ATP2B2: variants seen among roughly 807,000 people sequenced by gnomAD.
ATP2B2 encodes ATPase plasma membrane Ca2+ transporting 2, also known as plasma membrane calcium-transporting ATPase 2.
In ATP2B2, 15 loss-of-function variants were observed where a neutral mutation model predicts 120.0. The ratio of observed to expected loss-of-function variants is 0.12; its 90% confidence interval spans 0.08 to 0.19. The LOEUF (loss-of-function observed/expected upper bound fraction) is 0.19. ATP2B2 is among the 10% of genes least tolerant of loss of function. The pLI is 1.00. For synonymous variants in ATP2B2, 694 were observed against 700.3 expected, an observed-to-expected ratio of 0.99 and a Z score of 0.14; for missense variants, 1,045 against 1,719.8, an observed-to-expected ratio of 0.61 and a Z score of 6.94.
At chr3:10,616,969 T>C (rs2069406655) in intron 2 of ATP2B2, among the ~76,000 whole-genome samples, 1 of 152,258 alleles carries the variant, frequency 6.6e-6, no homozygotes, top group African/African-American at 2.4e-5. Context: ...TTTCACTTAA[T>C]ACTGAAATGT....
chr3:10,696,033 T>C (rs996114856), intron 1 of ATP2B2, among the ~76,000 whole-genome samples: 8 of 152,174 alleles, frequency 5.3e-5, no homozygotes, highest in African/African-American at 1.4e-4. Context: ...TTGAACAACT[T>C]CTGTCAAAGA....
chr3:10,388,777 C>T (rs953099370), intron 5 of ATP2B2, among the ~76,000 whole-genome samples: 9 of 152,212 alleles, frequency 5.9e-5, no homozygotes, highest in African/African-American at 1.9e-4. Flanking sequence ...CCACTACACA[C>T]ATTACAAAAA....
chr3:10,563,439 A>C (rs2067945554), intron 2 of ATP2B2, among the ~76,000 whole-genome samples: 1 of 152,256 alleles, frequency 6.6e-6, no homozygotes, highest in African/African-American at 2.4e-5. Context: ...ATGGGTAAAC[A>C]GGATGTTATG....
chr3:10,706,701 C>T (rs917941811), intron 1 of ATP2B2, among the ~76,000 whole-genome samples: 5 of 152,148 alleles, frequency 3.3e-5, no homozygotes, highest in Non-Finnish European at 7.4e-5. Flanking sequence ...TAAGCATGGG[C>T]ATAACAGTGA....
At chr3:10,452,734 T>C (rs2064107810) in intron 1 of ATP2B2, among the ~76,000 whole-genome samples, 1 of 151,962 alleles carries the variant, frequency 6.6e-6, no homozygotes, top group South Asian at 2.1e-4. Flanking sequence ...GGGGAGGTGA[T>C]TTGACTAAGA....
chr3:10,481,667 C>T lies in ATP2B2; in HGVS notation c.-320+23798G>A, dbSNP rs548968580. On this transcript the variant is annotated intron_variant, in intron 1 of 22. Coordinates refer to ENST00000360273, the MANE Select transcript of ATP2B2 (RefSeq NM_001001331.4). Reference sequence around the variant, plus strand: ...CTCCTGGGTTCAAGTGATTCTCCTGCCTCAGCCTCCTGAGTAGCTGGGATT... The same window carrying T: ...CTCCTGGGTTCAAGTGATTCTCCTGTCTCAGCCTCCTGAGTAGCTGGGATT... Among the ~76,000 whole-genome samples the T allele has an allele frequency of 1.3e-3, 199 of 152,332 alleles. No homozygotes were observed. In the Middle Eastern group the frequency reaches 0.014, roughly 10 times the overall value.
intron 1 of ATP2B2, among the ~76,000 whole-genome samples, chr3:10,696,480 T>C (rs1050276209): frequency 7.9e-5 from 12 of 152,092 alleles, no homozygotes; most frequent in Non-Finnish European, 4.4e-5. Flanking sequence ...CCTCCTTTGG[T>C]TTCAGCCTTT....
intron 1 of ATP2B2, among the ~76,000 whole-genome samples, chr3:10,690,782 G>T (rs1050622540): frequency 6.6e-6 from 1 of 152,194 alleles, no homozygotes; most frequent in African/African-American, 2.4e-5. Context: ...AATGTCAACT[G>T]CCCTGGTTAT....
intron 1 of ATP2B2, among the ~76,000 whole-genome samples, chr3:10,483,125 TC>T (rs1344997037): frequency 6.6e-6 from 1 of 152,170 alleles, no homozygotes; most frequent in Non-Finnish European, 1.5e-5. Flanking sequence ...TCCTACCTTC[TC>T]TCCCTGGTGA....
At chr3:10,533,685 C>T (rs1003649570) in intron 3 of ATP2B2, among the ~76,000 whole-genome samples, 18 of 152,202 alleles carry the variant, frequency 1.2e-4, no homozygotes, top group African/African-American at 3.9e-4. Flanking sequence ...TTCATTCAGG[C>T]ACCGGTCTAT....
intron 2 of ATP2B2, among the ~76,000 whole-genome samples, chr3:10,542,241 T>C (rs2067456128): frequency 1.3e-5 from 2 of 152,232 alleles, no homozygotes; most frequent in African/African-American, 4.8e-5. Flanking sequence ...GGGCCATTGA[T>C]ATTTAATGTA....
At chr3:10,613,738 C>T (rs1296122219) in intron 2 of ATP2B2, among the ~76,000 whole-genome samples, 1 of 151,934 alleles carries the variant, frequency 6.6e-6, no homozygotes, top group Non-Finnish European at 1.5e-5. Context: ...CTGCTTCCGC[C>T]CTTGCCCCCT....
intron 8 of ATP2B2, among the ~76,000 whole-genome samples, chr3:10,383,915 G>A (rs1368105144): frequency 6.6e-6 from 1 of 152,166 alleles, no homozygotes; most frequent in Admixed American, 6.5e-5. Context: ...CAGGCTCACT[G>A]CCGGGGTGAA....
intron 2 of ATP2B2, among the ~76,000 whole-genome samples, chr3:10,568,631 G>A (rs1467309699): frequency 2.0e-5 from 3 of 152,210 alleles, no homozygotes; most frequent in African/African-American, 7.2e-5. Flanking sequence ...TGGACTCAAG[G>A]CCTCAGGAAA....
chr3:10,641,991 CCCA>C (rs1194791770), intron 1 of ATP2B2, among the ~76,000 whole-genome samples: 20 of 1,224 alleles, frequency 0.016, no homozygotes, highest in African/African-American at 0.051. Flanking sequence ...CACTCATCCA[CCCA>C]TCCACCCATC....
At chr3:10,486,967 A>G (rs1205983491) in intron 1 of ATP2B2, among the ~76,000 whole-genome samples, 1 of 152,102 alleles carries the variant, frequency 6.6e-6, no homozygotes, top group Non-Finnish European at 1.5e-5. Context: ...ACCTCAAGTG[A>G]TCTGCCTGCC....
chr3:10,683,163 AT>A (rs61669408), intron 1 of ATP2B2, among the ~76,000 whole-genome samples: 9,591 of 148,220 alleles, frequency 0.065, 326 homozygotes, highest in South Asian at 0.2. Flanking sequence ...TTAAAAAAAA[AT>A]TTTTTTTTTT....
At chr3:10,639,002 C>T (rs2070097359) in intron 1 of ATP2B2, among the ~76,000 whole-genome samples, 1 of 152,130 alleles carries the variant, frequency 6.6e-6, no homozygotes, top group Non-Finnish European at 1.5e-5. Context: ...TCACAATCAT[C>T]GTTGGAGATT....
At chr3:10,377,697 C>T (rs1273863539) in intron 10 of ATP2B2, among the ~76,000 whole-genome samples, 2 of 152,238 alleles carry the variant, frequency 1.3e-5, no homozygotes, top group African/African-American at 4.8e-5. Context: ...TTCAGTTTTT[C>T]CTCTGCACTG....
Sources: allele counts gnomAD v4.1 joint callset (sites outside exome capture counted in the v4.1 genomes callset), GRCh38; gene constraint gnomAD v4.1.1; transcripts MANE v1.5; gene names NCBI Gene and HGNC (gene_info 2026-07-23, HGNC 2026-07-21).